IL33: variants seen among roughly 807,000 people sequenced by gnomAD.
IL33 encodes interleukin-33.
IL33 carries 37 observed loss-of-function variants against 27.3 expected under a neutral mutation model. The observed-to-expected ratio is 1.36, with a 90% CI of 1.04 to 1.78. The LOEUF is 1.78. Ranked by LOEUF, IL33 falls within the 40% of genes most tolerant of loss-of-function variation. The pLI, the probability that IL33 is intolerant of heterozygous loss-of-function variation, is 0.00. For missense variants in IL33, 406 were observed against 311.4 expected, an observed-to-expected ratio of 1.30 and a Z score of -2.29; for synonymous variants, 132 against 102.9, an observed-to-expected ratio of 1.28 and a Z score of -1.71.
chr9:6,231,339 C>T (rs998065060), intron 1 of IL33, among the ~76,000 whole-genome samples: 1 of 152,320 alleles, frequency 6.6e-6, no homozygotes, highest in East Asian at 1.9e-4. Flanking sequence ...ACATTATGCT[C>T]TCCCCATTGC....
intron 2 of IL33, among the ~76,000 whole-genome samples, chr9:6,243,082 T>A (rs1227152903): frequency 2.0e-5 from 3 of 152,190 alleles, no homozygotes; most frequent in Non-Finnish European, 4.4e-5. Context: ...GTCTGCCCCA[T>A]GATCCAAATA....
intron 1 of IL33, among the ~76,000 whole-genome samples, chr9:6,221,750 A>C (rs964412582): frequency 1.3e-5 from 2 of 152,150 alleles, no homozygotes; most frequent in African/African-American, 4.8e-5. Context: ...TACATATTTT[A>C]TGAAAAGTGT....
At chr9:6,241,585 T>C in intron 1 of IL33, 99 bp from the exon 2 acceptor site, 1 of 631,356 alleles carries the variant, frequency 1.6e-6, no homozygotes. Context: ...ATTTCCTCTA[T>C]ATGGTTATGT....
chr9:6,218,527 C>G (rs1377119678), intron 1 of IL33, among the ~76,000 whole-genome samples: 1 of 151,158 alleles, frequency 6.6e-6, no homozygotes, highest in African/African-American at 2.4e-5. Flanking sequence ...AAGTTAAGCT[C>G]CATCAGGGAA....
intron 1 of IL33, among the ~76,000 whole-genome samples, chr9:6,234,115 T>A (rs1231723997): frequency 6.6e-6 from 1 of 152,218 alleles, no homozygotes; most frequent in Non-Finnish European, 1.5e-5. Flanking sequence ...TCCCCTTACA[T>A]GTTAGATATT....
intron 1 of IL33, among the ~76,000 whole-genome samples, chr9:6,237,716 A>G (rs1819307878): frequency 6.6e-6 from 1 of 152,228 alleles, no homozygotes; most frequent in Non-Finnish European, 1.5e-5. Context: ...CATTTCCCAT[A>G]TTTATTTGAA....
At chr9:6,255,408 A>G (rs570230884) in intron 7 of IL33, among the ~76,000 whole-genome samples, 13 of 152,240 alleles carry the variant, frequency 8.5e-5, no homozygotes, top group Admixed American at 5.9e-4. Flanking sequence ...AGCTACTTAG[A>G]CTGAGCTCTA....
chr9:6,238,900 G>T (rs1003072112), intron 1 of IL33, among the ~76,000 whole-genome samples: 1 of 152,162 alleles, frequency 6.6e-6, no homozygotes, highest in South Asian at 2.1e-4. Flanking sequence ...GGAATTTTCT[G>T]CAATTTATGA....
chr9:6,217,270 CCTCCAGAATCATG>C (rs1461822024), intron 1 of IL33, among the ~76,000 whole-genome samples: 1 of 152,050 alleles, frequency 6.6e-6, no homozygotes, highest in Non-Finnish European at 1.5e-5. Context: ...AATCTTGTGA[CCTCCAGAATCATG>C]GCTAGTAATC....
At chr9:6,215,235 T>C (rs757500394), upstream of IL33, among the ~76,000 whole-genome samples, 1 of 152,200 alleles carries the variant, frequency 6.6e-6, no homozygotes, top group African/African-American at 2.4e-5. Flanking sequence ...GGATCTATAG[T>C]ACAGGATTTG....
chr9:6,244,399 A>C (rs1819704513), intron 2 of IL33, among the ~76,000 whole-genome samples: 1 of 152,142 alleles, frequency 6.6e-6, no homozygotes, highest in Non-Finnish European at 1.5e-5. Flanking sequence ...AAAACAATGG[A>C]TAGTAATGAA....
At chr9:6,230,304 T>C (rs1036362663) in intron 1 of IL33, among the ~76,000 whole-genome samples, 7 of 152,194 alleles carry the variant, frequency 4.6e-5, no homozygotes, top group South Asian at 4.1e-4. Flanking sequence ...GGTATCTTTA[T>C]AGAGTATTTC....
At chr9:6,226,480 A>G (rs1818634776) in intron 1 of IL33, among the ~76,000 whole-genome samples, 1 of 151,938 alleles carries the variant, frequency 6.6e-6, no homozygotes, top group Admixed American at 6.6e-5. Context: ...AAACAGTCTC[A>G]TTTTTCTTCC....
At chr9:6,229,267 G>A (rs868714333) in intron 1 of IL33, among the ~76,000 whole-genome samples, 26 of 152,186 alleles carry the variant, frequency 1.7e-4, no homozygotes, top group African/African-American at 5.5e-4. Context: ...AGCTTGGGAA[G>A]GGGATGCCAA....
chr9:6,218,950 A>G (rs1366606564), intron 1 of IL33, among the ~76,000 whole-genome samples: 1 of 125,974 alleles, frequency 7.9e-6, no homozygotes, highest in African/African-American at 3.0e-5. Context: ...ATATGTCTAC[A>G]TCAGAAAATT....
At position 6,241,721 on chromosome 9, in the gene IL33, C is replaced by A. The variant is rs746002088; in HGVS notation, c.27C>A (p.Thr9=). Residue 9 remains threonine, a synonymous_variant, in exon 2 of 8, where the codon ACC becomes ACA. Transcript: ENST00000682010. MKPKMKYS[T]NKISTAKWKN... ...TGAAGCCTAAAATGAAGTATTCAAC[C>A]AACAAAATTTCCACAGCAAAGTGGA... 1 of 1,610,414 alleles carries A rather than the reference C, an allele frequency of 6.2e-7. No individual in the cohort carries two copies. The highest frequency in any genetic ancestry group is 1.7e-5 in the Admixed American group (1 of 59,794).
At chr9:6,241,838 C>A in intron 2 of IL33, 53 bp downstream of exon 2, 1 of 1,208,424 alleles carries the variant, frequency 8.3e-7, no homozygotes, top group South Asian at 1.4e-5. Context: ...TATCTGTTAT[C>A]AAATATTTAT....
chr9:6,254,879 C>A (rs1247149389), intron 7 of IL33, among the ~76,000 whole-genome samples: 1 of 152,104 alleles, frequency 6.6e-6, no homozygotes, highest in African/African-American at 2.4e-5. Context: ...CCAGGAAATT[C>A]ATATGTGCCT....
chr9:6,226,096 C>T (rs1202174379), intron 1 of IL33, among the ~76,000 whole-genome samples: 2 of 152,214 alleles, frequency 1.3e-5, no homozygotes, highest in African/African-American at 4.8e-5. Flanking sequence ...CGGCCTCAAA[C>T]TCCTGGGCTC....
Sources: allele counts gnomAD v4.1 joint callset (sites outside exome capture counted in the v4.1 genomes callset), GRCh38; gene constraint gnomAD v4.1.1; transcripts MANE v1.5; gene names NCBI Gene and HGNC (gene_info 2026-07-23, HGNC 2026-07-21).